The following DMD variants were observed in gnomAD, a reference collection of about 807,000 sequenced individuals.
The protein encoded by DMD is dystrophin.
DMD carries 63 observed loss-of-function variants against 330.1 expected under a neutral mutation model. That is an observed-to-expected ratio of 0.19 (90% CI 0.16 to 0.24). The LOEUF is 0.24. Among genes scored for constraint, DMD ranks in the 10% least tolerant of loss-of-function variants. The pLI, the probability that DMD is intolerant of heterozygous loss-of-function variation, is 1.00. For missense variants in DMD, 3,344 were observed against 2,684.1 expected (o/e 1.25, Z -5.43); for synonymous variants, 1,223 against 959.8 (o/e 1.27, Z -5.07).
chrX:32,480,840 A>G (rs1642091438), intron 21 of DMD, among the ~76,000 whole-genome samples: 1 of 111,250 alleles, frequency 9.0e-6, no homozygotes, highest in African/African-American at 3.3e-5. Context: ...ATTGATAAAA[A>G]TAACACAATT....
intron 29 of DMD, among the ~76,000 whole-genome samples, chrX:32,427,871 C>T (rs1424523457): frequency 2.7e-5 from 3 of 111,271 alleles, no homozygotes; most frequent in Non-Finnish European, 5.7e-5. Flanking sequence ...GAAATTCATC[C>T]ATTTCATGTA....
intron 60 of DMD, among the ~76,000 whole-genome samples, chrX:31,349,378 G>A (rs1274988697): frequency 1.8e-5 from 2 of 112,551 alleles, no homozygotes; most frequent in South Asian, 3.7e-4. Context: ...CAGAGATCAC[G>A]CCACTGTACT....
At chrX:31,672,182 T>A (rs2081841592) in intron 53 of DMD, among the ~76,000 whole-genome samples, 1 of 112,368 alleles carries the variant, frequency 8.9e-6, no homozygotes, top group African/African-American at 3.2e-5. Flanking sequence ...GTGTGTTGTA[T>A]AATTTTCTCA....
intron 78 of DMD, among the ~76,000 whole-genome samples, chrX:31,126,287 T>TGACTC (rs961422575): frequency 2.7e-5 from 3 of 112,260 alleles, no homozygotes; most frequent in African/African-American, 9.7e-5. Flanking sequence ...GAAAGCTTTA[T>TGACTC]GACTCATCAG....
chrX:33,268,874 C>G (rs1252004195), intron 1 of DMD, among the ~76,000 whole-genome samples: 1 of 95,132 alleles, frequency 1.1e-5, no homozygotes, highest in East Asian at 3.2e-4. Context: ...TGCAGTGAGC[C>G]AGGATTGCCC....
At chrX:33,070,451 T>C (rs1033462038) in intron 1 of DMD, among the ~76,000 whole-genome samples, 3 of 110,224 alleles carry the variant, frequency 2.7e-5, no homozygotes, top group African/African-American at 6.6e-5. Context: ...TGATGCTTAA[T>C]AGACAGTAAA....
chrX:33,092,513 C>A (rs2095098894), intron 1 of DMD, among the ~76,000 whole-genome samples: 1 of 111,477 alleles, frequency 9.0e-6, no homozygotes, highest in Non-Finnish European at 1.9e-5. Context: ...CATTTCTTGT[C>A]TCTGAAAATA....
At chrX:31,669,006 C>G (rs1308808260) in intron 53 of DMD, among the ~76,000 whole-genome samples, 1 of 112,276 alleles carries the variant, frequency 8.9e-6, no homozygotes, top group Admixed American at 9.4e-5. Context: ...ATCCATTCAT[C>G]CACTGATGGA....
intron 1 of DMD, among the ~76,000 whole-genome samples, chrX:33,317,201 G>T (rs182366472): frequency 9.9e-5 from 11 of 110,663 alleles, no homozygotes; most frequent in African/African-American, 3.6e-4. Context: ...AAAATGAACA[G>T]ACTTTGGTAC....
At chrX:31,245,787 G>A (rs769625481) in intron 63 of DMD, among the ~76,000 whole-genome samples, 6 of 111,437 alleles carry the variant, frequency 5.4e-5, no homozygotes, top group South Asian at 7.7e-4. Context: ...AACGTCATAC[G>A]TGTTCTGACT....
intron 74 of DMD, among the ~76,000 whole-genome samples, chrX:31,156,381 G>GA (rs1395862698): frequency 9.0e-6 from 1 of 111,458 alleles, no homozygotes; most frequent in Non-Finnish European, 1.9e-5. Flanking sequence ...GAACGTAAAG[G>GA]AAAAAAATAA....
intron 2 of DMD, among the ~76,000 whole-genome samples, chrX:32,950,699 A>G (rs73466885): frequency 0.013 from 1,422 of 111,492 alleles, 33 homozygotes; most frequent in African/African-American, 0.044. Context: ...TCCTAAGATC[A>G]GTCATTCCAG....
At chrX:32,052,901 C>G (rs147139871) in intron 44 of DMD, among the ~76,000 whole-genome samples, 1,354 of 110,996 alleles carry the variant, frequency 0.012, 28 homozygotes, top group African/African-American at 0.042. Context: ...CAAAACATCA[C>G]TGCTCCAGAA....
rs754954350 is a variant in DMD, at chrX:32,936,400, C to A, written c.93+83739G>T. On this transcript the variant is annotated intron_variant, in intron 2 of 78. Transcript: ENST00000357033. ...TGTTGGGATTTACAGGCGTGAGCCACCGCGCCCAGCTTACTTGTATCTCTT... is the reference window on the plus strand; with the variant it reads ...TGTTGGGATTTACAGGCGTGAGCCAACGCGCCCAGCTTACTTGTATCTCTT... Among the ~76,000 whole-genome samples the A allele has an allele frequency of 2.7e-5, 3 of 112,012 alleles. No individual in the cohort carries two copies. The South Asian group carries it at 1.1e-3, about 42-fold the overall frequency.
intron 44 of DMD, among the ~76,000 whole-genome samples, chrX:32,044,622 C>T (rs1297740262): frequency 9.1e-6 from 1 of 109,766 alleles, no homozygotes; most frequent in African/African-American, 3.3e-5. Flanking sequence ...CGGGGTTTCA[C>T]TGTGTTAGCC....
intron 9 of DMD, among the ~76,000 whole-genome samples, chrX:32,653,960 A>G (rs1001941453): frequency 2.7e-5 from 3 of 111,241 alleles, no homozygotes; most frequent in African/African-American, 9.8e-5. Flanking sequence ...TCTGTCTGTT[A>G]TTGGTGTATA....
At chrX:32,491,067 A>G (rs761835394) in intron 20 of DMD, among the ~76,000 whole-genome samples, 1 of 112,753 alleles carries the variant, frequency 8.9e-6, no homozygotes, top group Admixed American at 9.4e-5. Context: ...AGCGCTGTGT[A>G]ACTACGCCAA....
intron 5 of DMD, among the ~76,000 whole-genome samples, 198 bp from the exon 6 acceptor site, chrX:32,816,838 C>T (rs755651858): frequency 1.5e-4 from 17 of 111,379 alleles, no homozygotes; most frequent in Non-Finnish European, 3.0e-4. Context: ...GGTATCTATG[C>T]CATACCATTT....
chrX:32,487,208 A>G (rs886225239), intron 20 of DMD, among the ~76,000 whole-genome samples: 2 of 111,969 alleles, frequency 1.8e-5, no homozygotes, highest in African/African-American at 6.5e-5. Context: ...TATTCTCTAC[A>G]TAAATGTTTT....
Sources: gnomAD v4.1 joint callset for allele counts (sites outside exome capture counted in the v4.1 genomes callset) on GRCh38, gnomAD v4.1.1 for gene constraint, MANE v1.5 for transcripts, NCBI Gene and HGNC (gene_info 2026-07-23, HGNC 2026-07-21) for gene names.